Variants in FANCM observed in about 807,000 individuals in gnomAD.
FANCM encodes FA complementation group M.
Under a neutral mutation model 199.5 loss-of-function variants are expected in FANCM, and 140 were observed. The observed-to-expected ratio is 0.70, with a 90% CI of 0.61 to 0.81. FANCM has a LOEUF of 0.81. Among genes scored for constraint, FANCM ranks in the 30% least tolerant of loss-of-function variants. The probability of loss-of-function intolerance (pLI) is 0.00; values close to 1 mark genes in which losing one functional copy is unlikely to be tolerated. For synonymous variants in FANCM, 840 were observed against 836.8 expected, an observed-to-expected ratio of 1.00 and a Z score of -0.07; for missense variants, 2,410 against 2,421.4, an observed-to-expected ratio of 1.00 and a Z score of 0.10.
intron 3 of FANCM, among the ~76,000 whole-genome samples, chr14:45,146,222 C>A (rs1886369822): frequency 8.6e-6 from 1 of 115,628 alleles, no homozygotes; most frequent in Non-Finnish European, 1.6e-5. Flanking sequence ...GCCTGGGTGA[C>A]AGAGTGAGAC....
intron 21 of FANCM, among the ~76,000 whole-genome samples, chr14:45,198,240 G>A (rs1890175712): frequency 6.6e-6 from 1 of 152,150 alleles, no homozygotes; most frequent in African/African-American, 2.4e-5. Flanking sequence ...TTGGCAAGAT[G>A]ATGTTAAAAT....
At chr14:45,168,549 T>G (rs1888130573) in intron 11 of FANCM, among the ~76,000 whole-genome samples, 1 of 151,214 alleles carries the variant, frequency 6.6e-6, no homozygotes, top group Non-Finnish European at 1.5e-5. Flanking sequence ...TGAGATAATG[T>G]TAACTTATGT....
chr14:45,189,299 C>T lies in FANCM; in HGVS notation c.5277C>T (p.Thr1759=), dbSNP rs757298864. 3.7e-6 allele frequency: 6 copies of T among 1,613,822 alleles called. No homozygotes were observed. The highest frequency in any genetic ancestry group is 1.7e-5 in the Admixed American group (1 of 60,014). The part of the protein sequence containing the change: ...KPQNHNEVQS[T]TPPFTTVDSQ... ...AGAATCATAATGAAGTCCAGTCTACCACACCACCCTTCACTACTGTTGATT... is the reference window on the plus strand; with the variant it reads ...AGAATCATAATGAAGTCCAGTCTACTACACCACCCTTCACTACTGTTGATT... Residue 1759 remains threonine (T), a synonymous_variant, in exon 20 of 23, where the codon ACC becomes ACT. Transcript: ENST00000267430.
intron 21 of FANCM, 29 bp downstream of exon 21, chr14:45,196,576 A>C (rs554222545): frequency 1.1e-5 from 17 of 1,601,448 alleles, no homozygotes; most frequent in Non-Finnish European, 1.4e-5. Flanking sequence ...CTTTGTTTAT[A>C]AGACTGTAAA....
At position 45,141,594 on chromosome 14, in the gene FANCM, C is replaced by CT. The variant is rs1236187140; in HGVS notation, c.759+899dup. On this transcript the variant is annotated intron_variant, in intron 3 of 22. Coordinates refer to ENST00000267430, the MANE Select transcript of FANCM (RefSeq NM_020937.4). ...CCTCTCCTTTCCTTTCTTTCTTTCT[C>CT]TTTTTTTTTTTTTTGACGGAGTTTT... Among the ~76,000 whole-genome samples, 858 of 130,544 alleles carry CT rather than the reference C, an allele frequency of 6.6e-3. 4 individuals carry two copies. Among genetic ancestry groups the CT allele is most frequent in the East Asian group, 0.043 (192 of 4,494 alleles). 85.6% of individuals were successfully genotyped at this position (130,544 alleles called of 152,430 possible).
At chr14:45,152,837 T>C (rs1373489965) in intron 5 of FANCM, among the ~76,000 whole-genome samples, 2 of 152,238 alleles carry the variant, frequency 1.3e-5, no homozygotes, top group African/African-American at 4.8e-5. Flanking sequence ...GTCTTTATCA[T>C]ATAGTATCTG....
intron 3 of FANCM, among the ~76,000 whole-genome samples, chr14:45,148,242 CTT>C (rs898116957): frequency 3.4e-5 from 5 of 148,392 alleles, no homozygotes; most frequent in African/African-American, 7.5e-5. Context: ...CACAAAACAA[CTT>C]TTAATTTTTA....
rs758363235 is a variant in FANCM, at chr14:45,176,243, C to T, written c.3489C>T (p.Asp1163=). 1 of 1,613,190 alleles carries T rather than the reference C, an allele frequency of 6.2e-7. No individual in the cohort carries two copies. Among genetic ancestry groups the T allele is most frequent in the East Asian group, 2.2e-5 (1 of 44,820 alleles). Residue 1163 remains aspartate (D), a synonymous_variant, in exon 14 of 23, where the codon GAC becomes GAT. Coordinates refer to ENST00000267430, the MANE Select transcript of FANCM (RefSeq NM_020937.4). The part of the protein sequence containing the change: ...NSKSESLPVS[D]KTAISETPLV... ...AAAGCGAATCTTTACCTGTGTCAGA[C>T]AAAACTGCTATTAGTGAAACGCCTC... is the stretch of plus-strand genomic sequence containing the variant.
chr14:45,166,380 G>GGGCCT (rs1887978755), intron 10 of FANCM, among the ~76,000 whole-genome samples: 1 of 151,900 alleles, frequency 6.6e-6, no homozygotes, highest in Admixed American at 6.6e-5. Context: ...CTCGTGATCT[G>GGGCCT]CCCGCCTGGG....
intron 12 of FANCM, 76 bp from the exon 13 acceptor site, chr14:45,172,979 A>G (rs1341134345): frequency 1.9e-6 from 2 of 1,057,338 alleles, no homozygotes; most frequent in East Asian, 2.5e-5. Context: ...TTATATGTAT[A>G]TTGAGTGTTT....
At chr14:45,194,326 C>A (rs566083654) in intron 20 of FANCM, among the ~76,000 whole-genome samples, 34 of 150,598 alleles carry the variant, frequency 2.3e-4, no homozygotes, top group East Asian at 5.8e-4. Flanking sequence ...CAAAAAAAAA[C>A]CAAACAAATT....
intron 1 of FANCM, 133 bp downstream of exon 1, chr14:45,136,672 C>A: frequency 3.6e-6 from 3 of 839,402 alleles, no homozygotes; most frequent in Non-Finnish European, 5.9e-6. Context: ...AAGCCCAAAA[C>A]TGATGAATAG....
rs377031191 is a variant in FANCM, at chr14:45,136,099, C to A, written c.68C>A (p.Pro23Gln). The change falls in exon 1 of 23, where the codon CCG (proline) becomes CAG (glutamine). Residue 23 changes from proline (P) to glutamine (Q), a missense_variant. Physicochemically the swap from Pro to Gln is moderately conservative, Grantham distance 76. Coordinates refer to ENST00000267430, the MANE Select transcript of FANCM (RefSeq NM_020937.4). ...AGTATCTCCCGATCATCTGGGACTCCGGGTTGCAGCTCCGGAACTGAGCGA... is the reference window on the plus strand; with the variant it reads ...AGTATCTCCCGATCATCTGGGACTCAGGGTTGCAGCTCCGGAACTGAGCGA... ...GSSISRSSGT[P>Q]GCSSGTERPQ... 2.8e-5 allele frequency: 45 copies of A among 1,614,016 alleles called. No individual in the cohort carries two copies. Among genetic ancestry groups the A allele is most frequent in the Admixed American group, 6.7e-5 (4 of 60,004 alleles).
chr14:45,142,387 A>G (rs1172061889), intron 3 of FANCM, among the ~76,000 whole-genome samples: 1 of 150,314 alleles, frequency 6.7e-6, no homozygotes, highest in African/African-American at 2.5e-5. Flanking sequence ...GCTCACTGCA[A>G]CCTCCACCTC....
At chr14:45,143,987 C>T (rs141337168) in intron 3 of FANCM, among the ~76,000 whole-genome samples, 12 of 152,178 alleles carry the variant, frequency 7.9e-5, no homozygotes, top group Non-Finnish European at 1.2e-4. Context: ...CCACCACGCC[C>T]GGCTTGAGTA....
At chr14:45,189,566 A>G (rs777425062) in intron 20 of FANCM, among the ~76,000 whole-genome samples, 8 of 152,222 alleles carry the variant, frequency 5.3e-5, no homozygotes, top group Non-Finnish European at 1.0e-4. Context: ...TTTTTTAAAT[A>G]TGTTAATGTT....
intron 3 of FANCM, among the ~76,000 whole-genome samples, chr14:45,141,372 G>T (rs1418740092): frequency 6.6e-6 from 1 of 150,618 alleles, no homozygotes; most frequent in Non-Finnish European, 1.5e-5. Context: ...TATGGGGCCA[G>T]ATCAGTTTTC....
At position 45,198,709 on chromosome 14, in the gene FANCM, G is replaced by A. The variant is rs1890206013; in HGVS notation, c.5782G>A (p.Ala1928Thr). 8 of 1,613,700 alleles carry A rather than the reference G, an allele frequency of 5.0e-6. No individual in the cohort carries two copies. The highest frequency in any genetic ancestry group is 1.1e-5 in the South Asian group (1 of 91,076). Residue 1928 changes from alanine (A) to threonine (T), a missense_variant, in exon 22 of 23, where the codon GCT (alanine) becomes ACT (threonine). Ala to Thr is a moderately conservative substitution (Grantham distance 58). Coordinates refer to ENST00000267430, the MANE Select transcript of FANCM (RefSeq NM_020937.4). ...CAGCCTGCTGACTACCTTAATTGGC[G>A]CTGGAATCCGAATTCTTTTCAGTTC... The part of the protein sequence containing the change: ...YDSLLTTLIG[A>T]GIRILFSSCQ...
intron 20 of FANCM, among the ~76,000 whole-genome samples, chr14:45,195,891 T>C (rs536307465): frequency 2.0e-5 from 3 of 152,332 alleles, no homozygotes; most frequent in East Asian, 1.9e-4. Context: ...CTAAAAATTA[T>C]AATTTTCTTT....
Sources: allele counts gnomAD v4.1 joint callset (sites outside exome capture counted in the v4.1 genomes callset), GRCh38; gene constraint gnomAD v4.1.1; transcripts MANE v1.5; gene names NCBI Gene and HGNC (gene_info 2026-07-23, HGNC 2026-07-21).